MAGI2: variants seen among roughly 807,000 people sequenced by gnomAD.
MAGI2 encodes the protein membrane associated guanylate kinase, WW and PDZ domain containing 2.
Under a neutral mutation model 133.3 loss-of-function variants are expected in MAGI2, and 35 were observed. The observed-to-expected ratio is 0.26, with a 90% confidence interval of 0.20 to 0.35. The LOEUF is 0.35. Among genes scored for constraint, MAGI2 ranks in the 10% least tolerant of loss-of-function variants. The pLI is 1.00. For synonymous variants in MAGI2, 729 were observed against 710.6 expected, an observed-to-expected ratio of 1.03 and a Z score of -0.41; for missense variants, 1,636 against 1,863.4, an observed-to-expected ratio of 0.88 and a Z score of 2.25.
At chr7:79,104,408 C>T (rs1002234637) in intron 1 of MAGI2, among the ~76,000 whole-genome samples, 7 of 152,118 alleles carry the variant, frequency 4.6e-5, no homozygotes, top group Admixed American at 4.6e-4. Context: ...GTGGCTCTTA[C>T]CTGTAATCCC....
chr7:79,391,512 T>TATATATATATATATATATATAGAC (rs1585811497), intron 1 of MAGI2, among the ~76,000 whole-genome samples: 8 of 43,254 alleles, frequency 1.8e-4, no homozygotes, highest in East Asian at 2.4e-3. Flanking sequence ...TATAGACATA[T>TATATATATATATATATATATAGAC]ATATATATAT....
At chr7:78,603,422 CA>C (rs1322970014) in intron 3 of MAGI2, among the ~76,000 whole-genome samples, 1 of 152,156 alleles carries the variant, frequency 6.6e-6, no homozygotes, top group African/African-American at 2.4e-5. Context: ...GATGAGACAA[CA>C]AGACCTGTAT....
At chr7:78,718,252 A>C (rs539924749) in intron 2 of MAGI2, among the ~76,000 whole-genome samples, 1 of 152,276 alleles carries the variant, frequency 6.6e-6, no homozygotes, top group African/African-American at 2.4e-5. Flanking sequence ...GCTCACTGTA[A>C]AGCTAGATTA....
chr7:78,795,989 T>G (rs1442378771), intron 2 of MAGI2, among the ~76,000 whole-genome samples: 2 of 151,986 alleles, frequency 1.3e-5, no homozygotes, highest in African/African-American at 4.8e-5. Flanking sequence ...CAACTGCAAA[T>G]GAAATACACA....
At chr7:78,944,392 A>T (rs1290383859) in intron 2 of MAGI2, among the ~76,000 whole-genome samples, 1 of 152,056 alleles carries the variant, frequency 6.6e-6, no homozygotes, top group Non-Finnish European at 1.5e-5. Flanking sequence ...GTGTGTTAGG[A>T]TAGACATAAG....
chr7:78,703,909 T>C (rs1318989715), intron 2 of MAGI2, among the ~76,000 whole-genome samples: 4 of 89,796 alleles, frequency 4.5e-5, no homozygotes, highest in Non-Finnish European at 8.9e-5. Context: ...AAGAATACCA[T>C]ATGTAAAAAT....
At chr7:79,332,632 T>A (rs755905852) in intron 1 of MAGI2, among the ~76,000 whole-genome samples, 1 of 152,174 alleles carries the variant, frequency 6.6e-6, no homozygotes, top group Admixed American at 6.5e-5. Context: ...CAAGTCATAT[T>A]GGGTAGAGCA....
At chr7:79,452,931 C>G (rs1237175530) in intron 1 of MAGI2, 89 bp downstream of exon 1, 1 of 1,397,518 alleles carries the variant, frequency 7.2e-7, no homozygotes, top group African/African-American at 1.4e-5. Flanking sequence ...CAACACACCC[C>G]CTTCAACATG....
At chr7:78,662,151 A>G (rs965055939) in intron 2 of MAGI2, among the ~76,000 whole-genome samples, 2 of 152,210 alleles carry the variant, frequency 1.3e-5, no homozygotes, top group African/African-American at 4.8e-5. Flanking sequence ...AGAACTAGAC[A>G]AAGTAGTCTT....
intron 9 of MAGI2, among the ~76,000 whole-genome samples, chr7:78,342,779 G>C (rs1030731523): frequency 3.9e-5 from 6 of 152,118 alleles, no homozygotes; most frequent in Non-Finnish European, 7.4e-5. Context: ...TGGACACAGG[G>C]AGGAGAACAT....
Position 78,097,066 on chromosome 7 carries a change from C to T in MAGI2, c.3568-17981G>A, listed in dbSNP as rs1817761480. ...GCCCAACAAGCATATGAAAAAAAAC[C>T]TCAACATCACTGATCATTAGAGAAA... On this transcript the variant is annotated intron_variant, in intron 20 of 21. Transcript: ENST00000354212. 2.0e-5 allele frequency among the ~76,000 whole-genome samples: 3 copies of T among 152,082 alleles called. No individual in the cohort carries two copies. The South Asian group carries it at 6.2e-4, about 32-fold the overall frequency.
intron 2 of MAGI2, among the ~76,000 whole-genome samples, chr7:78,860,659 G>C (rs915272964): frequency 6.6e-6 from 1 of 152,132 alleles, no homozygotes; most frequent in South Asian, 2.1e-4. Context: ...GCCCCTACTG[G>C]GAGGTGTCTC....
At chr7:79,121,913 T>G (rs1180736270) in intron 1 of MAGI2, among the ~76,000 whole-genome samples, 1 of 152,178 alleles carries the variant, frequency 6.6e-6, no homozygotes. Flanking sequence ...ACATCTTTCA[T>G]CAGTATTTCA....
intron 2 of MAGI2, among the ~76,000 whole-genome samples, chr7:78,697,945 T>C (rs996673052): frequency 6.6e-6 from 1 of 152,224 alleles, no homozygotes; most frequent in Non-Finnish European, 1.5e-5. Context: ...TAAAGGATTT[T>C]CTATTGTACA....
intron 10 of MAGI2, among the ~76,000 whole-genome samples, chr7:78,222,988 T>C (rs770078129): frequency 2.0e-5 from 3 of 152,168 alleles, no homozygotes; most frequent in Non-Finnish European, 2.9e-5. Flanking sequence ...AGAAAAATTG[T>C]CTCCCTCATG....
At chr7:78,313,752 A>G (rs967355455) in intron 9 of MAGI2, among the ~76,000 whole-genome samples, 4 of 152,028 alleles carry the variant, frequency 2.6e-5, no homozygotes, top group African/African-American at 9.7e-5. Context: ...GCTAAGCAAC[A>G]TTTCTTTTCA....
intron 10 of MAGI2, among the ~76,000 whole-genome samples, chr7:78,216,736 C>G (rs1291430751): frequency 6.6e-6 from 1 of 152,224 alleles, no homozygotes; most frequent in Non-Finnish European, 1.5e-5. Context: ...TAGAGGCTCT[C>G]ATAGCTGCAT....
intron 2 of MAGI2, among the ~76,000 whole-genome samples, chr7:78,899,937 C>T (rs1797492551): frequency 6.6e-6 from 1 of 152,146 alleles, no homozygotes; most frequent in African/African-American, 2.4e-5. Flanking sequence ...TCACTCAACC[C>T]TTCAATGAGG....
chr7:78,937,181 G>C (rs774652539), intron 2 of MAGI2, among the ~76,000 whole-genome samples: 3 of 151,960 alleles, frequency 2.0e-5, no homozygotes, highest in Non-Finnish European at 2.9e-5. Flanking sequence ...GAAGCCAGTA[G>C]TCTGAAGGAA....
Sources: allele counts gnomAD v4.1 joint callset (sites outside exome capture counted in the v4.1 genomes callset), GRCh38; gene constraint gnomAD v4.1.1; transcripts MANE v1.5; gene names NCBI Gene and HGNC (gene_info 2026-07-23, HGNC 2026-07-21).